Variants in THEMIS observed in about 807,000 individuals in gnomAD.
The protein encoded by THEMIS is protein THEMIS.
A neutral mutation model predicts 52.6 loss-of-function variants in THEMIS; 37 were observed. The ratio of observed to expected loss-of-function variants is 0.70; its 90% confidence interval spans 0.54 to 0.93. The LOEUF (loss-of-function observed/expected upper bound fraction) is 0.93. THEMIS is among the 40% of genes least tolerant of loss of function. THEMIS has a pLI of 0.00. For missense variants in THEMIS, 808 were observed against 763.1 expected (o/e 1.06, Z -0.69); for synonymous variants, 292 against 272.7 (o/e 1.07, Z -0.70).
At chr6:127,884,292 G>T (rs1157463521) in intron 1 of THEMIS, among the ~76,000 whole-genome samples, 1 of 152,078 alleles carries the variant, frequency 6.6e-6, no homozygotes, top group Non-Finnish European at 1.5e-5. Context: ...AAAACCACAA[G>T]ATTTCTTTCA....
chr6:127,834,609 T>C (rs748431257), intron 2 of THEMIS, among the ~76,000 whole-genome samples: 2 of 151,878 alleles, frequency 1.3e-5, no homozygotes, highest in Non-Finnish European at 2.9e-5. Context: ...ATAATAATAA[T>C]AATTGAATTG....
At chr6:127,781,294 AC>A (rs1776735526) in intron 4 of THEMIS, among the ~76,000 whole-genome samples, 1 of 151,556 alleles carries the variant, frequency 6.6e-6, no homozygotes, top group Non-Finnish European at 1.5e-5. Flanking sequence ...AATTCATCTA[AC>A]CTTTTTTCAA....
chr6:127,802,239 G>A (rs1316473263), intron 4 of THEMIS, among the ~76,000 whole-genome samples: 1 of 152,148 alleles, frequency 6.6e-6, no homozygotes, highest in Admixed American at 6.5e-5. Context: ...AGCTGGGAGG[G>A]TCCAGAAGAT....
chr6:127,837,822 C>T (rs1183343387), intron 2 of THEMIS, among the ~76,000 whole-genome samples: 2 of 152,120 alleles, frequency 1.3e-5, no homozygotes, highest in South Asian at 2.1e-4. Context: ...TCCTACTTGT[C>T]TCATTTAATA....
intron 4 of THEMIS, among the ~76,000 whole-genome samples, chr6:127,725,482 CTGTT>C (rs1179959184): frequency 1.3e-5 from 2 of 151,464 alleles, no homozygotes; most frequent in East Asian, 1.9e-4. Flanking sequence ...GTGTTCTCTT[CTGTT>C]TGTTATATAG....
chr6:127,735,449 T>A (rs1774972626), intron 4 of THEMIS, among the ~76,000 whole-genome samples: 1 of 152,150 alleles, frequency 6.6e-6, no homozygotes, highest in Admixed American at 6.6e-5. Flanking sequence ...GAAAAGAGAA[T>A]CCATAGTTAG....
intron 1 of THEMIS, among the ~76,000 whole-genome samples, chr6:127,860,410 C>A (rs1779756822): frequency 6.6e-6 from 1 of 152,018 alleles, no homozygotes. Flanking sequence ...CCCAAAATAT[C>A]AGTATTAAGA....
intron 3 of THEMIS, among the ~76,000 whole-genome samples, chr6:127,817,939 A>G (rs1778193256): frequency 6.6e-6 from 1 of 152,148 alleles, no homozygotes; most frequent in African/African-American, 2.4e-5. Context: ...GCAGGGTGAG[A>G]GAAGAAGCAA....
intron 1 of THEMIS, among the ~76,000 whole-genome samples, chr6:127,861,972 A>T (rs1779818506): frequency 6.6e-6 from 1 of 152,044 alleles, no homozygotes. Flanking sequence ...CAAAGTACTA[A>T]TTCATGATGG....
chr6:127,896,706 A>G (rs2114490354), intron 1 of THEMIS, among the ~76,000 whole-genome samples: 1 of 151,690 alleles, frequency 6.6e-6, no homozygotes, highest in African/African-American at 2.4e-5. Flanking sequence ...TAGTTATCAA[A>G]TTTGGCTGTG....
rs574146550 is a variant in THEMIS at position 127,794,123 on chromosome 6, G to A, written c.1758+18760C>T. 1.8e-3 allele frequency among the ~76,000 whole-genome samples: 273 copies of A among 152,286 alleles called. 3 individuals carry two copies. The highest frequency in any genetic ancestry group is 1.1e-3 in the Non-Finnish European group (77 of 68,022). On this transcript the variant is annotated intron_variant, in intron 4 of 5. Transcript: ENST00000368248. ...GAGAGTAAGAGGGAAAATGCAACCA[G>A]AAAGAAACACTTTTGGCTTTGCACT... is the stretch of plus-strand genomic sequence containing the variant.
At chr6:127,879,290 T>C (rs1780406524) in intron 1 of THEMIS, among the ~76,000 whole-genome samples, 1 of 152,184 alleles carries the variant, frequency 6.6e-6, no homozygotes, top group African/African-American at 2.4e-5. Flanking sequence ...TATGTCTAAC[T>C]CTGCAAGAGG....
At chr6:127,715,039 A>C (rs1346069535) in intron 5 of THEMIS, among the ~76,000 whole-genome samples, 1 of 151,976 alleles carries the variant, frequency 6.6e-6, no homozygotes, top group African/African-American at 2.4e-5. Flanking sequence ...ATGATATTTC[A>C]GAATTGTTCA....
At chr6:127,728,146 T>C (rs1315795770) in intron 4 of THEMIS, among the ~76,000 whole-genome samples, 1 of 152,174 alleles carries the variant, frequency 6.6e-6, no homozygotes, top group Admixed American at 6.5e-5. Context: ...TTAGTCTTTT[T>C]TAGCCTCTTG....
At position 127,709,053 on chromosome 6, in the gene THEMIS, A is replaced by G. The variant is rs1477254729; in HGVS notation, c.*932T>C. On this transcript the variant is annotated 3_prime_UTR_variant, in exon 6 of 6. Coordinates refer to ENST00000368248, the MANE Select transcript of THEMIS (RefSeq NM_001010923.3). ...TCCTGTATACTTAATACATAATAAG[A>G]TAAATTATTAAAATGTGAGAGCCCT... is the stretch of plus-strand genomic sequence containing the variant. The G allele has an allele frequency of 6.6e-6, 1 of 152,058 alleles. No individual in the cohort carries two copies. Among genetic ancestry groups the G allele is most frequent in the East Asian group, 1.9e-4 (1 of 5,184 alleles). The allele number at this position is 152,058 out of a possible 1,614,324, so 9.4% of individuals were successfully genotyped here.
At chr6:127,803,931 C>T (rs1172238434) in intron 4 of THEMIS, among the ~76,000 whole-genome samples, 1 of 152,092 alleles carries the variant, frequency 6.6e-6, no homozygotes, top group African/African-American at 2.4e-5. Flanking sequence ...GCTGAACTCT[C>T]CTTAAAAAAT....
chr6:127,786,592 A>G (rs1562256726), intron 4 of THEMIS, among the ~76,000 whole-genome samples: 1 of 152,166 alleles, frequency 6.6e-6, no homozygotes, highest in Non-Finnish European at 1.5e-5. Context: ...GCCTCACAAC[A>G]ATTCTCTAGG....
At chr6:127,806,868 A>G (rs1475358782) in intron 4 of THEMIS, among the ~76,000 whole-genome samples, 4 of 152,216 alleles carry the variant, frequency 2.6e-5, no homozygotes, top group African/African-American at 9.6e-5. Flanking sequence ...GGTTTCAGCT[A>G]TAACTCAAGT....
At chr6:127,747,736 T>C (rs548778382) in intron 4 of THEMIS, among the ~76,000 whole-genome samples, 1 of 152,080 alleles carries the variant, frequency 6.6e-6, no homozygotes, top group Non-Finnish European at 1.5e-5. Context: ...CAAAAGAAGA[T>C]AGTGTTCATA....
Sources: allele counts gnomAD v4.1 joint callset (sites outside exome capture counted in the v4.1 genomes callset), GRCh38; gene constraint gnomAD v4.1.1; transcripts MANE v1.5; gene names NCBI Gene and HGNC (gene_info 2026-07-23, HGNC 2026-07-21).